ZDHHC7: variants seen among roughly 807,000 people sequenced by gnomAD.
ZDHHC7 encodes the protein palmitoyltransferase ZDHHC7.
In ZDHHC7, 12 loss-of-function variants were observed where a neutral mutation model predicts 34.1. That is an observed-to-expected ratio of 0.35 (90% CI 0.23 to 0.57). ZDHHC7 has a LOEUF of 0.57. Ranked by LOEUF, ZDHHC7 falls within the 20% of genes least tolerant of loss-of-function variation. The probability of loss-of-function intolerance (pLI) is 0.84; values close to 1 mark genes in which losing one functional copy is unlikely to be tolerated. For missense variants in ZDHHC7, 388 were observed against 402.7 expected (o/e 0.96, Z 0.31); for synonymous variants, 185 against 155.4 (o/e 1.19, Z -1.42).
chr16:85,025,424 G>T, the ZDHHC7 span, among the ~76,000 whole-genome samples: 29 of 151,728 alleles, frequency 1.9e-4, no homozygotes, highest in East Asian at 5.4e-3. Context: ...CTTTTTTGGG[G>T]GGGGGGACTA....
the ZDHHC7 span, among the ~76,000 whole-genome samples, chr16:85,021,734 A>G: frequency 6.6e-6 from 1 of 151,340 alleles, no homozygotes; most frequent in African/African-American, 2.4e-5. Flanking sequence ...AGAAAGAAAA[A>G]GAGAGAAAGA....
chr16:85,021,699 C>A, the ZDHHC7 span, among the ~76,000 whole-genome samples: 1 of 149,530 alleles, frequency 6.7e-6, no homozygotes, highest in East Asian at 2.0e-4. Context: ...GCCTGGGCAA[C>A]AGAGCAAGAC....
Position 85,011,467 on chromosome 16 carries a change from G to A in ZDHHC7, c.-285C>T, listed in dbSNP as rs2072791377. ...GTCCCGCCGGGCAGGTCGGAAGGAG[G>A]CTGCAGCCAAGCAAATGCCTCAGCC... On this transcript the variant is annotated 5_prime_UTR_variant, in exon 1 of 8. Transcript: ENST00000313732. 2 of 152,328 alleles carry A rather than the reference G, an allele frequency of 1.3e-5. No individual in the cohort carries two copies. The highest frequency in any genetic ancestry group is 2.0e-4 in the South Asian group (1 of 4,890). 9.4% of individuals were successfully genotyped at this position (152,328 alleles called of 1,614,324 possible). A position where few individuals can be genotyped will look rare whatever the true frequency, so the allele number is the denominator to read the frequency against.
At chr16:85,005,829 A>T (rs1463596688) in intron 1 of ZDHHC7, among the ~76,000 whole-genome samples, 1 of 152,128 alleles carries the variant, frequency 6.6e-6, no homozygotes, top group Admixed American at 6.5e-5. Context: ...TCTTTTTCCA[A>T]ATCAGTGACA....
chr16:85,004,141 C>A (rs1384030242), intron 1 of ZDHHC7, among the ~76,000 whole-genome samples: 1 of 151,752 alleles, frequency 6.6e-6, no homozygotes, highest in Admixed American at 6.6e-5. Context: ...GAACCTCCCC[C>A]ACTCAGTCAC....
chr16:84,979,948 CCT>C (rs1491171586), intron 4 of ZDHHC7, among the ~76,000 whole-genome samples: 36 of 135,126 alleles, frequency 2.7e-4, no homozygotes, highest in African/African-American at 8.7e-4. Context: ...CATAGCGTCA[CCT>C]TTTTTTTTTT....
chr16:85,010,142 C>G (rs771621997), intron 1 of ZDHHC7, among the ~76,000 whole-genome samples: 1 of 151,482 alleles, frequency 6.6e-6, no homozygotes, highest in Non-Finnish European at 1.5e-5. Flanking sequence ...ACCTCAGCCT[C>G]CCAAGCAGCT....
intron 1 of ZDHHC7, among the ~76,000 whole-genome samples, chr16:85,003,945 A>C (rs1440925185): frequency 6.6e-6 from 1 of 152,076 alleles, no homozygotes; most frequent in Non-Finnish European, 1.5e-5. Context: ...CGCCGGGAGC[A>C]CCCGGGCTTA....
At chr16:84,990,267 C>T (rs79403296) in intron 3 of ZDHHC7, 37 bp downstream of exon 3, 2 of 1,600,288 alleles carry the variant, frequency 1.2e-6, no homozygotes, top group African/African-American at 2.7e-5. Flanking sequence ...CTAGACCAGA[C>T]ACAAGAGAGC....
chr16:85,001,100 C>T (rs1163853291), intron 1 of ZDHHC7, among the ~76,000 whole-genome samples: 1 of 152,072 alleles, frequency 6.6e-6, no homozygotes. Context: ...CTGAATGCCA[C>T]GCTAAGAAAC....
At chr16:85,002,278 G>T (rs528934025) in intron 1 of ZDHHC7, among the ~76,000 whole-genome samples, 5 of 151,968 alleles carry the variant, frequency 3.3e-5, no homozygotes, top group African/African-American at 1.2e-4. Flanking sequence ...CGTTCACAGG[G>T]ACAGTTTCTA....
the ZDHHC7 span, among the ~76,000 whole-genome samples, chr16:85,017,967 C>A: frequency 6.6e-6 from 1 of 152,060 alleles, no homozygotes; most frequent in East Asian, 1.9e-4. Context: ...GTGGTGCCAC[C>A]CATTTTTACA....
At chr16:84,985,711 T>C (rs1030867304) in intron 3 of ZDHHC7, among the ~76,000 whole-genome samples, 5 of 151,852 alleles carry the variant, frequency 3.3e-5, no homozygotes, top group African/African-American at 7.3e-5. Context: ...TCCTAGAACT[T>C]TGGGAGGCCG....
At chr16:84,998,261 CAAA>C (rs537445063) in intron 1 of ZDHHC7, among the ~76,000 whole-genome samples, 6 of 100,474 alleles carry the variant, frequency 6.0e-5, no homozygotes, top group Admixed American at 2.1e-4. Flanking sequence ...GAGACTGTCT[CAAA>C]AAAAAAAAAA....
chr16:85,014,734 C>T (rs2072827238), upstream of ZDHHC7, among the ~76,000 whole-genome samples: 1 of 152,160 alleles, frequency 6.6e-6, no homozygotes, highest in African/African-American at 2.4e-5. Context: ...GAGATTTATT[C>T]TGATCCACAT....
chr16:85,016,344 A>G (rs574102211), upstream of ZDHHC7, among the ~76,000 whole-genome samples: 1 of 152,068 alleles, frequency 6.6e-6, no homozygotes, highest in East Asian at 1.9e-4. Flanking sequence ...TTTGGCTTAC[A>G]GTCCTGAAAT....
At chr16:85,022,172 G>C in the ZDHHC7 span, among the ~76,000 whole-genome samples, 2 of 149,104 alleles carry the variant, frequency 1.3e-5, no homozygotes, top group Admixed American at 6.7e-5. Context: ...AAAAAAAAAA[G>C]GGCAAAGACA....
rs2072492979 is a variant in ZDHHC7 at position 84,990,372 on chromosome 16, C to T, written c.247G>A (p.Gly83Arg). 1 of 1,614,076 alleles carries T rather than the reference C, an allele frequency of 6.2e-7. No homozygotes were observed. The highest frequency in any genetic ancestry group is 2.2e-5 in the East Asian group (1 of 44,868). Residue 83 changes from glycine (G) to arginine (R), a missense_variant, in exon 3 of 8, where the codon GGG becomes AGG. Gly to Arg is a moderately radical substitution (Grantham distance 125). Coordinates refer to ENST00000313732, the MANE Select transcript of ZDHHC7 (RefSeq NM_017740.3). Reference sequence around the variant, plus strand: ...ACGGCCAAGCAGTTAAAGATGACCCCGTTGACCACAGAGTACCAGAAGTCT... The same window carrying T: ...ACGGCCAAGCAGTTAAAGATGACCCTGTTGACCACAGAGTACCAGAAGTCT... ...SKDFWYSVVNGVIFNCLAVLA... is the reference protein window; with the variant it reads ...SKDFWYSVVNRVIFNCLAVLA...
At chr16:85,016,914 A>G in the ZDHHC7 span, among the ~76,000 whole-genome samples, 1 of 151,750 alleles carries the variant, frequency 6.6e-6, no homozygotes, top group Non-Finnish European at 1.5e-5. Flanking sequence ...AATCTCTAAA[A>G]TATGAGATTA....
Sources: gnomAD v4.1 joint callset for allele counts (sites outside exome capture counted in the v4.1 genomes callset) on GRCh38, gnomAD v4.1.1 for gene constraint, MANE v1.5 for transcripts, NCBI Gene and HGNC (gene_info 2026-07-23, HGNC 2026-07-21) for gene names.